The following PLCXD3 variants were observed in gnomAD, a reference collection of about 807,000 sequenced individuals.
PLCXD3 encodes the protein PI-PLC X domain-containing protein 3.
A neutral mutation model predicts 25.5 loss-of-function variants in PLCXD3; 19 were observed. The ratio of observed to expected loss-of-function variants is 0.75; its 90% CI spans 0.52 to 1.09. The LOEUF (loss-of-function observed/expected upper bound fraction) is 1.09. Ranked by LOEUF, PLCXD3 falls within the 50% of genes least tolerant of loss-of-function variation. The probability of loss-of-function intolerance (pLI) is 0.00; values close to 1 mark genes in which losing one functional copy is unlikely to be tolerated. For missense variants in PLCXD3, 411 were observed against 388.1 expected (o/e 1.06, Z -0.50); for synonymous variants, 174 against 137.6 (o/e 1.26, Z -1.85).
chr5:41,380,632 GGT>G (rs1410512479), intron 2 of PLCXD3, among the ~76,000 whole-genome samples: 1 of 151,998 alleles, frequency 6.6e-6, no homozygotes, highest in Non-Finnish European at 1.5e-5. Flanking sequence ...TATGCCACAA[GGT>G]CACACATACT....
intron 1 of PLCXD3, among the ~76,000 whole-genome samples, chr5:41,505,556 G>A (rs1749036439): frequency 6.6e-6 from 1 of 152,156 alleles, no homozygotes; most frequent in Non-Finnish European, 1.5e-5. Flanking sequence ...ATAACAGAAG[G>A]AGCTGGTCCT....
At chr5:41,316,564 C>T (rs1218465158) in intron 2 of PLCXD3, among the ~76,000 whole-genome samples, 4 of 152,280 alleles carry the variant, frequency 2.6e-5, no homozygotes, top group Middle Eastern at 3.4e-3. Context: ...TTAGAGTCCC[C>T]GATTCCAGGA....
rs1743149724 is a variant in PLCXD3, at chr5:41,312,164, G to C, written c.*1453C>G. ...AAGGAGGAAGTAACGCTCAAGCTGTGTCATTGTTCTTCCCTGTAGACCCGG... is the reference window on the plus strand; with the variant it reads ...AAGGAGGAAGTAACGCTCAAGCTGTCTCATTGTTCTTCCCTGTAGACCCGG... On this transcript the variant is annotated 3_prime_UTR_variant, in exon 3 of 3. Coordinates refer to ENST00000377801, the MANE Select transcript of PLCXD3 (RefSeq NM_001005473.3). 6.6e-6 allele frequency: 1 copy of C among 152,182 alleles called. No homozygotes were observed. Among genetic ancestry groups the C allele is most frequent in the East Asian group, 1.9e-4 (1 of 5,164 alleles). The allele number at this position is 152,182 out of a possible 1,614,324, so 9.4% of individuals were successfully genotyped here. A position where few individuals can be genotyped will look rare whatever the true frequency, so the allele number is the denominator to read the frequency against.
At chr5:41,484,247 A>G (rs894803211) in intron 1 of PLCXD3, among the ~76,000 whole-genome samples, 9 of 113,684 alleles carry the variant, frequency 7.9e-5, no homozygotes, top group Admixed American at 6.6e-4. Flanking sequence ...TGGAACATGC[A>G]CACACACACA....
intron 2 of PLCXD3, among the ~76,000 whole-genome samples, chr5:41,314,664 A>G (rs949014554): frequency 3.9e-5 from 6 of 152,180 alleles, no homozygotes; most frequent in South Asian, 2.1e-4. Flanking sequence ...AGCTATTGCC[A>G]TGGCACTAAT....
At chr5:41,446,618 G>GAGA (rs1747510574) in intron 1 of PLCXD3, among the ~76,000 whole-genome samples, 3 of 151,578 alleles carry the variant, frequency 2.0e-5, no homozygotes, top group Admixed American at 6.6e-5. Flanking sequence ...CCCATCTTTG[G>GAGA]AGACAAGGAA....
intron 1 of PLCXD3, among the ~76,000 whole-genome samples, chr5:41,467,900 G>A (rs1358908742): frequency 6.6e-6 from 1 of 150,672 alleles, no homozygotes; most frequent in Non-Finnish European, 1.5e-5. Flanking sequence ...GTTTTCTATT[G>A]TGTTCCATGG....
intron 1 of PLCXD3, among the ~76,000 whole-genome samples, chr5:41,507,073 G>C (rs1749064805): frequency 6.6e-6 from 1 of 152,180 alleles, no homozygotes; most frequent in African/African-American, 2.4e-5. Flanking sequence ...CAGATTACCA[G>C]CACCTTATGT....
chr5:41,460,329 A>G (rs1747847136), intron 1 of PLCXD3, among the ~76,000 whole-genome samples: 1 of 151,970 alleles, frequency 6.6e-6, no homozygotes, highest in African/African-American at 2.4e-5. Flanking sequence ...CACAGCATGT[A>G]TAAACAGAGG....
intron 2 of PLCXD3, among the ~76,000 whole-genome samples, chr5:41,368,717 A>C (rs1745007723): frequency 6.6e-6 from 1 of 152,100 alleles, no homozygotes; most frequent in Non-Finnish European, 1.5e-5. Context: ...TTCCTTCAAT[A>C]CCTAATTTAT....
At chr5:41,433,495 T>C (rs1747165696) in intron 1 of PLCXD3, among the ~76,000 whole-genome samples, 1 of 152,132 alleles carries the variant, frequency 6.6e-6, no homozygotes, top group Non-Finnish European at 1.5e-5. Flanking sequence ...CCCTCAATCA[T>C]TGCCTAAACA....
chr5:41,490,865 T>A (rs1257566744), intron 1 of PLCXD3, among the ~76,000 whole-genome samples: 1 of 152,236 alleles, frequency 6.6e-6, no homozygotes, highest in Non-Finnish European at 1.5e-5. Flanking sequence ...ATCAATTTTG[T>A]TGATCCTTTC....
At chr5:41,340,665 CA>C (rs1012521043) in intron 2 of PLCXD3, among the ~76,000 whole-genome samples, 8 of 152,088 alleles carry the variant, frequency 5.3e-5, no homozygotes, top group African/African-American at 1.9e-4. Flanking sequence ...GAGTCTTCTC[CA>C]AAGCAGTTAA....
intron 2 of PLCXD3, among the ~76,000 whole-genome samples, chr5:41,364,968 C>A (rs1366435427): frequency 6.6e-6 from 1 of 152,202 alleles, no homozygotes; most frequent in African/African-American, 2.4e-5. Context: ...AGCAAATTTT[C>A]TCAGGGAACT....
intron 1 of PLCXD3, among the ~76,000 whole-genome samples, chr5:41,395,040 T>C (rs12516454): frequency 0.11 from 16,566 of 152,182 alleles, 1,077 homozygotes; most frequent in Admixed American, 0.17. Flanking sequence ...CCTCAGCACA[T>C]GGATATATTA....
At chr5:41,430,924 T>A (rs1747083853) in intron 1 of PLCXD3, among the ~76,000 whole-genome samples, 1 of 152,214 alleles carries the variant, frequency 6.6e-6, no homozygotes, top group South Asian at 2.1e-4. Flanking sequence ...ATCTGCTGCT[T>A]AACCAAACTA....
At chr5:41,368,964 A>G (rs544496955) in intron 2 of PLCXD3, among the ~76,000 whole-genome samples, 1 of 152,228 alleles carries the variant, frequency 6.6e-6, no homozygotes, top group South Asian at 2.1e-4. Flanking sequence ...GATATTGAAA[A>G]GCCTCTCCAT....
chr5:41,475,671 T>G (rs763872748), intron 1 of PLCXD3: 4 of 534,706 alleles, frequency 7.5e-6, no homozygotes, highest in Non-Finnish European at 1.5e-5. Context: ...CACCTGTGGC[T>G]GTCTGCCACA....
chr5:41,481,095 TA>T (rs1748403006), intron 1 of PLCXD3, among the ~76,000 whole-genome samples: 1 of 60,466 alleles, frequency 1.7e-5, no homozygotes, highest in South Asian at 5.7e-4. Flanking sequence ...AATGAAGACC[TA>T]ATTTGTAAAA....
Sources: gnomAD v4.1 joint callset for allele counts (sites outside exome capture counted in the v4.1 genomes callset) on GRCh38, gnomAD v4.1.1 for gene constraint, MANE v1.5 for transcripts, NCBI Gene and HGNC (gene_info 2026-07-23, HGNC 2026-07-21) for gene names.